The following IFT20 variants were observed in gnomAD, a reference collection of about 807,000 sequenced individuals.
IFT20 encodes the protein intraflagellar transport protein 20 homolog.
IFT20 carries 4 observed loss-of-function variants against 16.9 expected under a neutral mutation model. The ratio of observed to expected loss-of-function variants is 0.24; its 90% CI spans 0.12 to 0.54. IFT20 has a LOEUF of 0.54. Among genes scored for constraint, IFT20 ranks in the 20% least tolerant of loss-of-function variants. The pLI, the probability that IFT20 is intolerant of heterozygous loss-of-function variation, is 0.95. For missense variants in IFT20, 154 were observed against 149.7 expected (o/e 1.03, Z -0.15); for synonymous variants, 48 against 49.9 (o/e 0.96, Z 0.16).
chr17:28,334,244 C>A (rs1207908475), intron 1 of IFT20, among the ~76,000 whole-genome samples: 3 of 152,142 alleles, frequency 2.0e-5, no homozygotes, highest in African/African-American at 7.2e-5. Context: ...AGGGGAGGGC[C>A]AACAGAGGCC....
intron 1 of IFT20, among the ~76,000 whole-genome samples, chr17:28,334,944 G>A (rs1423120460): frequency 6.6e-6 from 1 of 152,128 alleles, no homozygotes; most frequent in Non-Finnish European, 1.5e-5. Flanking sequence ...GAGGTGCAGG[G>A]AAAGAGTTCA....
intron 1 of IFT20, among the ~76,000 whole-genome samples, chr17:28,334,018 G>A (rs1906962504): frequency 6.6e-6 from 1 of 152,136 alleles, no homozygotes; most frequent in African/African-American, 2.4e-5. Flanking sequence ...ACATGAGGGA[G>A]CAAATATCTG....
chr17:28,333,702 G>A (rs546012347), intron 1 of IFT20, among the ~76,000 whole-genome samples: 2 of 152,338 alleles, frequency 1.3e-5, no homozygotes, highest in South Asian at 4.1e-4. Flanking sequence ...AGACTGAGGT[G>A]GGAGGATCAC....
In IFT20 at chr17:28,329,278, T is replaced by TTGCC. The variant is rs1301087929; in HGVS notation, c.214-3_214-2insGGCA. 12 of 1,612,372 alleles carry TTGCC rather than the reference T, an allele frequency of 7.4e-6. No individual in the cohort carries two copies. Among genetic ancestry groups the TTGCC allele is most frequent in the African/African-American group, 1.3e-5 (1 of 74,858 alleles). ...GAGCAAGTTCCGAGCACCGATGGCC[T>TTGCC]ACAGTATTGCCAGAGAAGGCCATGG... On this transcript the variant is annotated splice_region_variant and splice_polypyrimidine_tract_variant and intron_variant, in intron 3 of 4. Coordinates refer to ENST00000395418, the MANE Select transcript of IFT20 (RefSeq NM_001267776.2).
At chr17:28,332,288 T>C in intron 1 of IFT20, 1 of 1,345,692 alleles carries the variant, frequency 7.4e-7, no homozygotes, top group Non-Finnish European at 1.0e-6. Flanking sequence ...TCAACACACA[T>C]TTCTTGAGTG....
intron 1 of IFT20, among the ~76,000 whole-genome samples, chr17:28,333,535 C>T (rs370782411): frequency 1.4e-4 from 21 of 152,366 alleles, no homozygotes; most frequent in African/African-American, 4.6e-4. Flanking sequence ...TGTCTGTAGA[C>T]GACTCTGGCC....
At chr17:28,330,250 AAT>A (rs782703361) in intron 3 of IFT20, 191 bp downstream of exon 3, 26 of 611,898 alleles carry the variant, frequency 4.2e-5, no homozygotes, top group Non-Finnish European at 6.4e-5. Context: ...AAAAAAAAAA[AAT>A]AAAGATTAAA....
Position 28,329,175 on chromosome 17 carries a change from T to G in IFT20, c.315A>C (p.Glu105Asp). Residue 105 changes from glutamate (E) to aspartate (D), a missense_variant and splice_region_variant, in exon 4 of 5, where the codon GAA becomes GAC. Coordinates refer to ENST00000395418, the MANE Select transcript of IFT20 (RefSeq NM_001267776.2). Reference protein sequence around the residue: ...ALIAEKKMQLERYRVEYEALC... With the variant: ...ALIAEKKMQLDRYRVEYEALC... ...TGCTTTACATCATGACTTCTTACCT[T>G]TCTAGCTGCATTTTCTTTTCTGCTA... is the stretch of plus-strand genomic sequence containing the variant. The G allele has an allele frequency of 1.2e-6, 2 of 1,611,016 alleles. No homozygotes were observed. Among genetic ancestry groups the G allele is most frequent in the South Asian group, 1.1e-5 (1 of 90,946 alleles).
At position 28,329,270 on chromosome 17, in the gene IFT20, C is replaced by T. The variant is rs1906566093; in HGVS notation, c.220G>A (p.Gly74Ser). The T allele has an allele frequency of 6.2e-6, 10 of 1,613,354 alleles. No homozygotes were observed. The highest frequency in any genetic ancestry group is 1.6e-4 in the Middle Eastern group (1 of 6,070). ...EAENEKMKAI[G>S]ARNLLKSIAK... ...ATAGATTTGAGCAAGTTCCGAGCAC[C>T]GATGGCCTACAGTATTGCCAGAGAA... is the stretch of plus-strand genomic sequence containing the variant. Residue 74 changes from glycine to serine, a missense_variant, in exon 4 of 5, where the codon GGT becomes AGT. Coordinates refer to ENST00000395418, the MANE Select transcript of IFT20 (RefSeq NM_001267776.2).
chr17:28,329,081 T>C (rs1253284828), intron 4 of IFT20, 92 bp downstream of exon 4: 1 of 838,182 alleles, frequency 1.2e-6, no homozygotes. Flanking sequence ...GGGAAAACAA[T>C]GATGAAGAAT....
At chr17:28,334,268 G>A (rs1406947559) in intron 1 of IFT20, among the ~76,000 whole-genome samples, 2 of 152,236 alleles carry the variant, frequency 1.3e-5, no homozygotes, top group Non-Finnish European at 2.9e-5. Context: ...TGAAAAAAAT[G>A]ACACTTAAAC....
At position 28,330,541 on chromosome 17, in the gene IFT20, G is replaced by T. The variant is rs1555576407; in HGVS notation, c.128-13C>A. 3.8e-6 allele frequency: 6 copies of T among 1,562,966 alleles called. No homozygotes were observed. Among genetic ancestry groups the T allele is most frequent in the Non-Finnish European group, 5.3e-6 (6 of 1,133,500 alleles). ...AACTGGCCAATTTCTTTTAGGAAAA[G>T]AACAAAAAATAAAATATTTCCTTAG... is the stretch of plus-strand genomic sequence containing the variant. On this transcript the variant is annotated splice_polypyrimidine_tract_variant and intron_variant, in intron 2 of 4. Coordinates refer to ENST00000395418, the MANE Select transcript of IFT20 (RefSeq NM_001267776.2).
intron 2 of IFT20, chr17:28,331,550 A>G (rs78861812): frequency 0.011 from 3,618 of 317,034 alleles, 111 homozygotes; most frequent in African/African-American, 0.07. Flanking sequence ...ACATAATTCT[A>G]TTTCCCACAC....
chr17:28,328,860 A>G, intron 4 of IFT20, 127 bp from the exon 5 acceptor site: 1 of 722,400 alleles, frequency 1.4e-6, no homozygotes, highest in Non-Finnish European at 2.4e-6. Context: ...ATGAAGAAAG[A>G]AAGAGGCAAA....
At chr17:28,334,586 G>T (rs950410523) in intron 1 of IFT20, among the ~76,000 whole-genome samples, 1 of 152,252 alleles carries the variant, frequency 6.6e-6, no homozygotes. Flanking sequence ...TGAGAGAACC[G>T]ATTGGAGGGA....
At chr17:28,332,217 G>A in intron 1 of IFT20, 1 of 1,536,278 alleles carries the variant, frequency 6.5e-7, no homozygotes, top group Non-Finnish European at 8.7e-7. Context: ...GAGGAGGTGT[G>A]TCATAGGAGC....
At chr17:28,330,235 CAAA>C (rs34843464) in intron 3 of IFT20, 1,795 of 519,570 alleles carry the variant, frequency 3.5e-3, no homozygotes, top group South Asian at 8.3e-3. Flanking sequence ...GACTCTGTCT[CAAA>C]AAAAAAAAAA....
At chr17:28,333,072 A>AACACACACACACACACACACACACAC (rs56753724) in intron 1 of IFT20, among the ~76,000 whole-genome samples, 223 of 144,546 alleles carry the variant, frequency 1.5e-3, no homozygotes, top group South Asian at 5.6e-3. Context: ...TCTGGCTCAA[A>AACACACACACACACACACACACACAC]ACACACACAC....
chr17:28,331,578 T>C (rs1906781817), intron 2 of IFT20: 1 of 401,866 alleles, frequency 2.5e-6, no homozygotes, highest in South Asian at 3.6e-5. Flanking sequence ...ATGGTTGTGT[T>C]CCCAGAAAGT....
Sources: allele counts gnomAD v4.1 joint callset (sites outside exome capture counted in the v4.1 genomes callset), GRCh38; gene constraint gnomAD v4.1.1; transcripts MANE v1.5; gene names NCBI Gene and HGNC (gene_info 2026-07-23, HGNC 2026-07-21).